The following PALLD variants were observed in gnomAD, a reference collection of about 807,000 sequenced individuals.
The protein encoded by PALLD is palladin.
In PALLD, 61 loss-of-function variants were observed where a neutral mutation model predicts 123.5. The observed-to-expected ratio is 0.49, with a 90% CI of 0.40 to 0.61. The LOEUF is 0.61. Among genes scored for constraint, PALLD ranks in the 20% least tolerant of loss-of-function variants. The pLI is 0.00. For synonymous variants in PALLD, 465 were observed against 496.4 expected (o/e 0.94, Z 0.84); for missense variants, 1,273 against 1,377.0 (o/e 0.92, Z 1.20).
intron 10 of PALLD, among the ~76,000 whole-genome samples, chr4:168,778,543 G>A (rs893078904): frequency 6.6e-6 from 1 of 152,118 alleles, no homozygotes; most frequent in African/African-American, 2.4e-5. Flanking sequence ...GGCAAAGCTG[G>A]CTTTGGTCAT....
chr4:168,593,166 CT>C (rs1371737741), intron 2 of PALLD, among the ~76,000 whole-genome samples: 2 of 151,934 alleles, frequency 1.3e-5, no homozygotes, highest in Non-Finnish European at 2.9e-5. Context: ...TGATGATATT[CT>C]TTTAAATGTT....
chr4:168,620,814 G>A (rs2710846), intron 2 of PALLD, among the ~76,000 whole-genome samples: 118,505 of 152,116 alleles, frequency 0.78, 46,290 homozygotes, highest in Admixed American at 0.86. Flanking sequence ...TCAAAATTAA[G>A]CCACACAGTA....
At chr4:168,524,021 CTACCTGT>C (rs1210590065) in intron 2 of PALLD, among the ~76,000 whole-genome samples, 1 of 152,186 alleles carries the variant, frequency 6.6e-6, no homozygotes, top group East Asian at 1.9e-4. Flanking sequence ...TCTAAGGGCA[CTACCTGT>C]ATAAATTCAC....
At chr4:168,744,145 A>G (rs1045515310) in intron 10 of PALLD, among the ~76,000 whole-genome samples, 1 of 152,122 alleles carries the variant, frequency 6.6e-6, no homozygotes, top group Non-Finnish European at 1.5e-5. Flanking sequence ...CTTCAGTCAT[A>G]GGATATTTCC....
intron 2 of PALLD, among the ~76,000 whole-genome samples, chr4:168,583,311 T>C (rs1344833204): frequency 1.3e-5 from 2 of 152,206 alleles, no homozygotes; most frequent in East Asian, 1.9e-4. Flanking sequence ...CTAAAAAGTA[T>C]GTGAAAGTGA....
chr4:168,863,260 G>A (rs1236181645), intron 10 of PALLD, among the ~76,000 whole-genome samples: 1 of 152,148 alleles, frequency 6.6e-6, no homozygotes, highest in Non-Finnish European at 1.5e-5. Flanking sequence ...GAGAAGAAAG[G>A]GGATGCACTG....
At chr4:168,887,561 A>G (rs928877415) in intron 10 of PALLD, among the ~76,000 whole-genome samples, 3 of 152,204 alleles carry the variant, frequency 2.0e-5, no homozygotes, top group Non-Finnish European at 4.4e-5. Flanking sequence ...TAGTTGTTCT[A>G]TGGTCTACAT....
intron 10 of PALLD, among the ~76,000 whole-genome samples, chr4:168,805,950 T>G (rs1033836200): frequency 6.6e-6 from 1 of 152,220 alleles, no homozygotes; most frequent in Admixed American, 6.5e-5. Context: ...CCTACCCAAA[T>G]CTCATATCAA....
At chr4:168,851,479 T>C (rs1747774798) in intron 10 of PALLD, among the ~76,000 whole-genome samples, 1 of 152,180 alleles carries the variant, frequency 6.6e-6, no homozygotes, top group Non-Finnish European at 1.5e-5. Flanking sequence ...GCAATTCTCA[T>C]GCTTCGGCCT....
At chr4:168,706,765 T>C (rs547473683) in intron 8 of PALLD, among the ~76,000 whole-genome samples, 18 of 152,266 alleles carry the variant, frequency 1.2e-4, no homozygotes, top group African/African-American at 3.8e-4. Context: ...AAAATAGATA[T>C]ATATATTTGA....
At chr4:168,788,538 T>C (rs190942354) in intron 10 of PALLD, among the ~76,000 whole-genome samples, 128 of 152,276 alleles carry the variant, frequency 8.4e-4, no homozygotes, top group African/African-American at 2.9e-3. Flanking sequence ...TGTGGTACTG[T>C]GATGGGGGAT....
chr4:168,638,264 A>G (rs1299822718), intron 2 of PALLD, among the ~76,000 whole-genome samples: 1 of 152,212 alleles, frequency 6.6e-6, no homozygotes, highest in East Asian at 1.9e-4. Context: ...ATCTTGCCCA[A>G]GATCACATGG....
intron 10 of PALLD, among the ~76,000 whole-genome samples, chr4:168,889,310 C>A (rs1215507456): frequency 6.6e-6 from 1 of 151,420 alleles, no homozygotes; most frequent in Non-Finnish European, 1.5e-5. Flanking sequence ...ACTACAGGCG[C>A]CCACCACCAC....
At chr4:168,504,949 T>G (rs1200884152) in intron 1 of PALLD, 1 of 152,254 alleles carries the variant, frequency 6.6e-6, no homozygotes, top group Non-Finnish European at 1.5e-5. Context: ...CACACCGGCA[T>G]AGAATTACCA....
At chr4:168,757,513 T>C (rs1005017055) in intron 10 of PALLD, among the ~76,000 whole-genome samples, 5 of 152,230 alleles carry the variant, frequency 3.3e-5, no homozygotes, top group African/African-American at 1.2e-4. Flanking sequence ...AGAACAACTC[T>C]CATTTATTAG....
chr4:168,780,529 A>G (rs1735767667), intron 10 of PALLD, among the ~76,000 whole-genome samples: 1 of 152,196 alleles, frequency 6.6e-6, no homozygotes. Context: ...TCTTCACACA[A>G]GATTATCCAG....
chr4:168,604,367 TTATC>T (rs1286650106), intron 2 of PALLD, among the ~76,000 whole-genome samples: 1 of 152,158 alleles, frequency 6.6e-6, no homozygotes, highest in African/African-American at 2.4e-5. Context: ...ATGTCTCAAT[TTATC>T]TATGAAACAC....
intron 2 of PALLD, among the ~76,000 whole-genome samples, chr4:168,580,953 G>C (rs1264400127): frequency 6.6e-6 from 1 of 151,632 alleles, no homozygotes; most frequent in Non-Finnish European, 1.5e-5. Flanking sequence ...GAAAACAATG[G>C]AAACTGGGGC....
intron 1 of PALLD, among the ~76,000 whole-genome samples, chr4:168,501,625 A>C (rs943027226): frequency 6.6e-6 from 1 of 152,144 alleles, no homozygotes; most frequent in African/African-American, 2.4e-5. Flanking sequence ...ATGTTTGCTT[A>C]AGATGAAGAG....
Sources: gnomAD v4.1 joint callset for allele counts (sites outside exome capture counted in the v4.1 genomes callset) on GRCh38, gnomAD v4.1.1 for gene constraint, MANE v1.5 for transcripts, NCBI Gene and HGNC (gene_info 2026-07-23, HGNC 2026-07-21) for gene names.